PPM1G: variants seen among roughly 807,000 people sequenced by gnomAD.
PPM1G encodes protein phosphatase, Mg2+/Mn2+ dependent 1G.
Under a neutral mutation model 59.4 loss-of-function variants are expected in PPM1G, and 12 were observed. The ratio of observed to expected loss-of-function variants is 0.20; its 90% CI spans 0.13 to 0.33. The LOEUF is 0.33. Among genes scored for constraint, PPM1G ranks in the 10% least tolerant of loss-of-function variants. The pLI, the probability that PPM1G is intolerant of heterozygous loss-of-function variation, is 1.00. For synonymous variants in PPM1G, 245 were observed against 251.9 expected (o/e 0.97, Z 0.26); for missense variants, 392 against 681.3 (o/e 0.58, Z 4.73).
At chr2:27,401,736 G>A (rs1260336) in intron 1 of PPM1G, among the ~76,000 whole-genome samples, 140 of 152,198 alleles carry the variant, frequency 9.2e-4, no homozygotes, top group African/African-American at 3.2e-3. Flanking sequence ...TGAGGCAAGA[G>A]AATTCGCTTG....
At chr2:27,392,611 T>TGTGG (rs1683942125) in intron 1 of PPM1G, among the ~76,000 whole-genome samples, 1 of 102,776 alleles carries the variant, frequency 9.7e-6, no homozygotes. Context: ...ATTTTTTTTT[T>TGTGG]GGGGGGGGGG....
At chr2:27,403,098 C>G (rs1006773535) in intron 1 of PPM1G, among the ~76,000 whole-genome samples, 12 of 151,954 alleles carry the variant, frequency 7.9e-5, no homozygotes, top group Non-Finnish European at 1.5e-4. Flanking sequence ...CCTTACCACT[C>G]AAGCATGGGC....
At chr2:27,392,226 T>TGCATGCAG (rs960101858) in intron 1 of PPM1G, among the ~76,000 whole-genome samples, 1 of 151,816 alleles carries the variant, frequency 6.6e-6, no homozygotes, top group Non-Finnish European at 1.5e-5. Flanking sequence ...CACTGAGTCC[T>TGCATGCAG]GCATGCAGTC....
chr2:27,402,288 G>C (rs1484837541), intron 1 of PPM1G, among the ~76,000 whole-genome samples: 2 of 152,124 alleles, frequency 1.3e-5, no homozygotes, highest in Non-Finnish European at 2.9e-5. Flanking sequence ...CTACTGATCA[G>C]ACCTGTATAA....
intron 1 of PPM1G, among the ~76,000 whole-genome samples, chr2:27,387,537 G>A (rs904959208): frequency 1.3e-5 from 2 of 151,990 alleles, no homozygotes; most frequent in South Asian, 4.1e-4. Flanking sequence ...GTCTCGCCCT[G>A]TCACCCAAGC....
rs911972620 is a variant in PPM1G, at chr2:27,382,758, T to G, written c.1202-153A>C. Among the ~76,000 whole-genome samples, 7 of 152,178 alleles carry G rather than the reference T, an allele frequency of 4.6e-5. No individual in the cohort carries two copies. Among genetic ancestry groups the G allele is most frequent in the Non-Finnish European group, 8.8e-5 (6 of 68,022 alleles). ...AGTCCTAAGTCCTAGTTTTTCTAGTTTCAACCCTGCCACCAGACTGCTGAA... is the reference window on the plus strand; with the variant it reads ...AGTCCTAAGTCCTAGTTTTTCTAGTGTCAACCCTGCCACCAGACTGCTGAA... On this transcript the variant is annotated intron_variant, in intron 7 of 9. Transcript: ENST00000344034. This position sits in a 1 kb window ranked among gnomAD's most constrained non-coding sequence, Gnocchi z 4.2.
intron 1 of PPM1G, among the ~76,000 whole-genome samples, chr2:27,395,542 AAAAC>A (rs906643287): frequency 1.8e-4 from 27 of 152,150 alleles, no homozygotes; most frequent in African/African-American, 3.6e-4. Flanking sequence ...AACACAAAAC[AAAAC>A]AAACAAACAA....
chr2:27,409,362 G>GGGCGCC lies in PPM1G; in HGVS notation c.55_60dup (p.Gly19_Ala20dup). 1 of 1,541,862 alleles carries GGGCGCC rather than the reference G, an allele frequency of 6.5e-7. No homozygotes were observed. Among genetic ancestry groups the GGGCGCC allele is most frequent in the Non-Finnish European group, 8.7e-7 (1 of 1,143,524 alleles). ...AAGCCGTAGGGCAGCGGCAGGCGCG[G>GGGCGCC]GGCGCCGACCCCGTCCCCGGAGCAC... On this transcript the variant is annotated inframe_insertion, in exon 1 of 10. Coordinates refer to ENST00000344034, the MANE Select transcript of PPM1G (RefSeq NM_177983.3).
chr2:27,383,982 C>G lies in PPM1G; in HGVS notation c.936G>C (p.Met312Ile), dbSNP rs1408024593. ...EEDDEEEEEE[M>I]MVPGMEGKEE... ...CTTTGCCTTCCATCCCTGGCACCAT[C>G]ATCTCTTCTTCTTCTTCTTCATCGT... Residue 312 changes from methionine to isoleucine, a missense_variant, in exon 6 of 10, where the codon ATG becomes ATC. Transcript: ENST00000344034. This position sits in a 1 kb window ranked among gnomAD's most constrained non-coding sequence, Gnocchi z 5.0. The G allele has an allele frequency of 6.4e-7, 1 of 1,558,166 alleles. No homozygotes were observed. The highest frequency in any genetic ancestry group is 1.4e-5 in the African/African-American group (1 of 73,402).
chr2:27,389,789 C>T (rs1683853700), intron 1 of PPM1G, among the ~76,000 whole-genome samples: 1 of 152,084 alleles, frequency 6.6e-6, no homozygotes. Flanking sequence ...CATAGCAAGA[C>T]CCCGCCTCTA....
At chr2:27,391,276 G>A (rs1377911100) in intron 1 of PPM1G, among the ~76,000 whole-genome samples, 3 of 152,172 alleles carry the variant, frequency 2.0e-5, no homozygotes, top group Non-Finnish European at 2.9e-5. Flanking sequence ...CTGTGCCTAC[G>A]CTAAATTAAT....
intron 1 of PPM1G, among the ~76,000 whole-genome samples, chr2:27,402,904 A>C (rs1291418881): frequency 7.1e-5 from 10 of 140,596 alleles, no homozygotes; most frequent in Admixed American, 4.5e-4. Flanking sequence ...GCAAGGCCCT[A>C]TCTCTACAAA....
chr2:27,392,884 T>A, intron 1 of PPM1G: 1 of 1,429,734 alleles, frequency 7.0e-7, no homozygotes, highest in Non-Finnish European at 9.7e-7. Context: ...GGTCACGTGG[T>A]CACCCAATTC....
At chr2:27,381,938 C>T (rs956952591) in intron 9 of PPM1G, 133 bp from the exon 10 acceptor site, 2 of 1,016,182 alleles carry the variant, frequency 2.0e-6, no homozygotes, top group Admixed American at 2.0e-5. Flanking sequence ...ACACAACGGC[C>T]CACCTGCTAG....
intron 1 of PPM1G, among the ~76,000 whole-genome samples, chr2:27,407,430 A>AT (rs1663408923): frequency 6.7e-6 from 1 of 148,174 alleles, no homozygotes; most frequent in African/African-American, 2.5e-5. Flanking sequence ...TGCCCAGCTA[A>AT]TTTTTTTGTA....
chr2:27,396,102 C>A (rs984480824), intron 1 of PPM1G, among the ~76,000 whole-genome samples: 4 of 152,064 alleles, frequency 2.6e-5, no homozygotes, highest in Non-Finnish European at 5.9e-5. Flanking sequence ...GAAACCCAGT[C>A]TCTACCTAAA....
At chr2:27,407,139 G>T (rs1244839925) in intron 1 of PPM1G, among the ~76,000 whole-genome samples, 3 of 151,746 alleles carry the variant, frequency 2.0e-5, no homozygotes, top group African/African-American at 7.3e-5. Flanking sequence ...CTAATTTTTT[G>T]TATTTTAATA....
At chr2:27,405,641 C>T (rs1402038483) in intron 1 of PPM1G, among the ~76,000 whole-genome samples, 1 of 149,560 alleles carries the variant, frequency 6.7e-6, no homozygotes, top group Non-Finnish European at 1.5e-5. Context: ...TGATCTGCCC[C>T]CCTCGGCCTC....
intron 1 of PPM1G, among the ~76,000 whole-genome samples, chr2:27,397,212 C>A (rs1684072120): frequency 6.6e-6 from 1 of 152,094 alleles, no homozygotes; most frequent in Non-Finnish European, 1.5e-5. Flanking sequence ...AAACTTCCCA[C>A]AAAGAAGAGC....
Sources: allele counts gnomAD v4.1 joint callset (sites outside exome capture counted in the v4.1 genomes callset), GRCh38; gene constraint gnomAD v4.1.1; non-coding constraint Gnocchi (gnomAD v3.1); transcripts MANE v1.5; gene names NCBI Gene and HGNC (gene_info 2026-07-23, HGNC 2026-07-21).